Variants in ADGRL4 observed in about 807,000 individuals in gnomAD.
ADGRL4 encodes the protein EGF, latrophilin and seven transmembrane domain containing 1.
A neutral mutation model predicts 74.8 loss-of-function variants in ADGRL4; 90 were observed. The observed-to-expected ratio is 1.20, with a 90% CI of 1.02 to 1.43. The LOEUF (loss-of-function observed/expected upper bound fraction) is 1.43, where lower values mean the gene tolerates loss of function less well. ADGRL4 is among the 40% of genes most tolerant of loss of function. The probability of loss-of-function intolerance (pLI) is 0.00; values close to 1 mark genes in which losing one functional copy is unlikely to be tolerated. For synonymous variants in ADGRL4, 311 were observed against 279.2 expected, an observed-to-expected ratio of 1.11 and a Z score of -1.14; for missense variants, 881 against 814.3, an observed-to-expected ratio of 1.08 and a Z score of -1.00.
At chr1:78,913,197 A>C (rs1472164601) in intron 12 of ADGRL4, among the ~76,000 whole-genome samples, 1 of 151,966 alleles carries the variant, frequency 6.6e-6, no homozygotes, top group Non-Finnish European at 1.5e-5. Flanking sequence ...TGGGAGTATA[A>C]ATTAGTTCAG....
chr1:78,891,122 G>A lies in ADGRL4; in HGVS notation c.*32C>T. On this transcript the variant is annotated 3_prime_UTR_variant, in exon 15 of 15. Transcript: ENST00000370742. ...TCCACAGCTTGGAATTTTTATTTTT[G>A]TGCAGTTGTAATTATCCACCATTCT... 1 of 1,602,022 alleles carries A rather than the reference G, an allele frequency of 6.2e-7. No homozygotes were observed. The highest frequency in any genetic ancestry group is 1.7e-4 in the Middle Eastern group (1 of 6,036).
intron 3 of ADGRL4, among the ~76,000 whole-genome samples, chr1:78,943,737 G>T (rs1448747458): frequency 6.6e-6 from 1 of 152,042 alleles, no homozygotes; most frequent in African/African-American, 2.4e-5. Context: ...AATTACTGCA[G>T]GACTGAAATA....
intron 12 of ADGRL4, among the ~76,000 whole-genome samples, chr1:78,893,946 T>C (rs2100649103): frequency 6.6e-6 from 1 of 151,984 alleles, no homozygotes; most frequent in East Asian, 1.9e-4. Flanking sequence ...TTTGCAGTGT[T>C]AGAAGGCTAA....
At chr1:78,934,496 A>C (rs7527479) in intron 7 of ADGRL4, among the ~76,000 whole-genome samples, 72,445 of 152,048 alleles carry the variant, frequency 0.48, 17,864 homozygotes, top group Middle Eastern at 0.56. Flanking sequence ...GGCATGGACA[A>C]AAACTTCATG....
At chr1:78,949,346 T>C (rs972701889) in intron 2 of ADGRL4, among the ~76,000 whole-genome samples, 6 of 152,124 alleles carry the variant, frequency 3.9e-5, no homozygotes, top group African/African-American at 1.4e-4. Flanking sequence ...AATTTTTGTG[T>C]CTCTTCCTGC....
At chr1:78,984,416 C>T (rs1199653250) in intron 2 of ADGRL4, among the ~76,000 whole-genome samples, 1 of 151,472 alleles carries the variant, frequency 6.6e-6, no homozygotes, top group African/African-American at 2.4e-5. Flanking sequence ...AGTAAATGTC[C>T]ACCAGGAAAC....
At chr1:78,936,169 T>C in intron 7 of ADGRL4, 126 bp downstream of exon 7, 1 of 841,826 alleles carries the variant, frequency 1.2e-6, no homozygotes. Flanking sequence ...TTCTGTATAC[T>C]GTACATACAT....
rs772267466 is a variant in ADGRL4 at position 78,891,607 on chromosome 1, C to T, written c.1927G>A (p.Val643Met). The T allele has an allele frequency of 6.2e-7, 1 of 1,613,520 alleles. No individual in the cohort carries two copies. The highest frequency in any genetic ancestry group is 8.5e-7 in the Non-Finnish European group (1 of 1,179,698). Residue 643 changes from valine (V) to methionine (M), a missense_variant, in exon 14 of 15, where the codon GTG becomes ATG. Transcript: ENST00000370742. Reference protein sequence around the residue: ...FGVLHVVHASVVTAYLFTVSN... With the variant: ...FGVLHVVHASMVTAYLFTVSN... ...ACTGTGAAGAGGTAAGCTGTAACCA[C>T]TGATGCGTGCACAACATGGAGAACC...
intron 2 of ADGRL4, among the ~76,000 whole-genome samples, chr1:78,999,304 T>C (rs2100741304): frequency 6.6e-6 from 1 of 152,278 alleles, no homozygotes; most frequent in South Asian, 2.1e-4. Flanking sequence ...TTGGGGGAAG[T>C]ATTGGAAGTG....
intron 2 of ADGRL4, among the ~76,000 whole-genome samples, chr1:78,999,457 T>C (rs976093586): frequency 6.6e-6 from 1 of 152,074 alleles, no homozygotes; most frequent in Non-Finnish European, 1.5e-5. Context: ...CCTGTAGTCC[T>C]AGCTACTCGG....
intron 2 of ADGRL4, among the ~76,000 whole-genome samples, chr1:78,985,576 A>G (rs1260774081): frequency 6.6e-6 from 1 of 151,854 alleles, no homozygotes; most frequent in Middle Eastern, 3.2e-3. Flanking sequence ...GTTAATAACT[A>G]TTGCATAATC....
intron 13 of ADGRL4, 40 bp downstream of exon 13, chr1:78,893,058 C>CCA: frequency 3.5e-6 from 3 of 847,862 alleles, no homozygotes; most frequent in Non-Finnish European, 1.7e-6. Context: ...TTTTAATTAC[C>CCA]AAAAAAAAAA....
At chr1:78,901,194 TAACTAC>T in intron 12 of ADGRL4, among the ~76,000 whole-genome samples, 1 of 152,276 alleles carries the variant, frequency 6.6e-6, no homozygotes, top group East Asian at 1.9e-4. Context: ...ATCTAAAATT[TAACTAC>T]ACTTGGCATC....
chr1:78,941,970 C>T (rs1443911352), intron 3 of ADGRL4, among the ~76,000 whole-genome samples: 2 of 151,844 alleles, frequency 1.3e-5, no homozygotes, highest in Non-Finnish European at 2.9e-5. Context: ...GAGGCCGAGG[C>T]GGGTGGATCA....
intron 2 of ADGRL4, among the ~76,000 whole-genome samples, chr1:78,959,049 A>G (rs1649889961): frequency 6.6e-6 from 1 of 152,210 alleles, no homozygotes; most frequent in Non-Finnish European, 1.5e-5. Context: ...TAAAGTACAT[A>G]CATTGTTTTC....
At chr1:78,964,767 AC>A (rs1370824698) in intron 2 of ADGRL4, among the ~76,000 whole-genome samples, 1 of 152,170 alleles carries the variant, frequency 6.6e-6, no homozygotes, top group Non-Finnish European at 1.5e-5. Flanking sequence ...TAGTTGAGAT[AC>A]TGTTAAACTC....
chr1:78,924,328 A>C (rs1013852805), intron 8 of ADGRL4, among the ~76,000 whole-genome samples: 1 of 152,044 alleles, frequency 6.6e-6, no homozygotes, highest in Non-Finnish European at 1.5e-5. Context: ...AAGAGCTTAA[A>C]AAATTGACCT....
rs187993598 is a variant in ADGRL4 at position 78,918,973 on chromosome 1, T to C, written c.1462-923A>G. 3.9e-5 allele frequency among the ~76,000 whole-genome samples: 6 copies of C among 151,982 alleles called. No individual in the cohort carries two copies. In the East Asian group the frequency reaches 1.2e-3, roughly 30 times the overall value. On this transcript the variant is annotated intron_variant, in intron 10 of 14. Coordinates refer to ENST00000370742, the MANE Select transcript of ADGRL4 (RefSeq NM_022159.4). ...AAAGTAAACACTACACTGAGTAATT[T>C]TGGGGTGAAGATAATGGTGGAAGGT...
intron 2 of ADGRL4, among the ~76,000 whole-genome samples, chr1:78,989,109 C>G (rs1277434845): frequency 2.0e-5 from 3 of 151,658 alleles, no homozygotes; most frequent in Non-Finnish European, 3.0e-5. Flanking sequence ...TATTCAATTT[C>G]TGTGTAAATT....
Sources: allele counts gnomAD v4.1 joint callset (sites outside exome capture counted in the v4.1 genomes callset), GRCh38; gene constraint gnomAD v4.1.1; transcripts MANE v1.5; gene names NCBI Gene and HGNC (gene_info 2026-07-23, HGNC 2026-07-21).